Variants in PCDHGB3 observed in about 807,000 individuals in gnomAD.
PCDHGB3 encodes protocadherin gamma subfamily B, 3.
Under a neutral mutation model 59.2 loss-of-function variants are expected in PCDHGB3, and 40 were observed. The ratio of observed to expected loss-of-function variants is 0.68; its 90% CI spans 0.52 to 0.88. The LOEUF (loss-of-function observed/expected upper bound fraction) is 0.88, where lower values mean the gene tolerates loss of function less well. PCDHGB3 is among the 40% of genes least tolerant of loss of function. The pLI is 0.00. For missense variants in PCDHGB3, 1,309 were observed against 1,187.9 expected (o/e 1.10, Z -1.50); for synonymous variants, 581 against 503.6 (o/e 1.15, Z -2.06).
intron 1 of PCDHGB3, chr5:141,409,017 G>T (rs745981387): frequency 3.1e-6 from 5 of 1,613,840 alleles, no homozygotes; most frequent in Non-Finnish European, 4.2e-6. Flanking sequence ...CAGGATGAGG[G>T]GGTCAATGCT....
chr5:141,477,898 AG>A lies in PCDHGB3; in HGVS notation c.2416-16907del. The stretch of plus-strand genomic sequence containing the variant: ...CTGGCCACCTAGTGTCACGGGTGGT[AG>A]GCTGGGACGCGGATGCAGGGCACAA... On this transcript the variant is annotated intron_variant, in intron 1 of 3. Coordinates refer to ENST00000576222, the MANE Select transcript of PCDHGB3 (RefSeq NM_018924.5). The surrounding 1 kb of genome is among the most constrained non-coding windows in gnomAD (Gnocchi z 4.9). The A allele has an allele frequency of 6.2e-7, 1 of 1,614,158 alleles. No individual in the cohort carries two copies. Among genetic ancestry groups the A allele is most frequent in the Non-Finnish European group, 8.5e-7 (1 of 1,180,036 alleles).
At chr5:141,443,321 A>AC (rs1175439570) in intron 1 of PCDHGB3, among the ~76,000 whole-genome samples, 1 of 151,616 alleles carries the variant, frequency 6.6e-6, no homozygotes, top group African/African-American at 2.4e-5. Flanking sequence ...TCTCTACAAA[A>AC]AAAAAAAACA....
At chr5:141,379,674 AC>A (rs1181796015) in intron 1 of PCDHGB3, 1 of 152,100 alleles carries the variant, frequency 6.6e-6, no homozygotes, top group Non-Finnish European at 1.5e-5. Flanking sequence ...AAAGTCATTC[AC>A]TCATGTGGAC....
At chr5:141,478,295 T>C (rs1210224121) in intron 1 of PCDHGB3, 5 of 1,614,004 alleles carry the variant, frequency 3.1e-6, no homozygotes, top group African/African-American at 2.7e-5. Flanking sequence ...TAGAGACCTA[T>C]ACCGAGCCCC....
intron 1 of PCDHGB3, chr5:141,420,154 T>C (rs2096470856): frequency 2.5e-6 from 4 of 1,613,948 alleles, no homozygotes; most frequent in Non-Finnish European, 2.5e-6. Flanking sequence ...ATCCAGAATT[T>C]AATTTTTTCA....
intron 1 of PCDHGB3, chr5:141,416,818 C>T (rs766541497): frequency 9.9e-5 from 15 of 151,960 alleles, no homozygotes; most frequent in Admixed American, 2.6e-4. Flanking sequence ...AAAAGCATTC[C>T]GAAGTTTCTC....
chr5:141,458,513 GT>G (rs537551567), intron 1 of PCDHGB3, among the ~76,000 whole-genome samples: 34 of 146,056 alleles, frequency 2.3e-4, no homozygotes, highest in South Asian at 6.5e-4. Flanking sequence ...TTGACACTTT[GT>G]TTTTTTTTTT....
chr5:141,374,484 TAAAGG>T, intron 1 of PCDHGB3: 1 of 1,611,588 alleles, frequency 6.2e-7, no homozygotes, highest in Non-Finnish European at 8.5e-7. Flanking sequence ...CCCCGATTCT[TAAAGG>T]AAGAATTGGA....
intron 1 of PCDHGB3, chr5:141,383,307 A>G (rs1207101754): frequency 3.1e-6 from 5 of 1,613,874 alleles, no homozygotes; most frequent in Non-Finnish European, 4.2e-6. Flanking sequence ...TCTTGACGGA[A>G]GAAATAAATG....
At chr5:141,418,185 T>C in intron 1 of PCDHGB3, 1 of 1,614,058 alleles carries the variant, frequency 6.2e-7, no homozygotes, top group Non-Finnish European at 8.5e-7. Flanking sequence ...TTGGAAGCTG[T>C]GGTGGAAAAT....
At chr5:141,399,298 A>T (rs1451298331) in intron 1 of PCDHGB3, 1 of 1,613,850 alleles carries the variant, frequency 6.2e-7, no homozygotes, top group Non-Finnish European at 8.5e-7. Flanking sequence ...TTTTAAGATT[A>T]TCTCTTCATC....
At position 141,505,417 on chromosome 5, in the gene PCDHGB3, C is replaced by T; in HGVS notation, c.2499C>T (p.Gly833=). The change falls in exon 3 of 4, where the codon GGC becomes GGT. Residue 833 remains glycine, a synonymous_variant. Coordinates refer to ENST00000576222, the MANE Select transcript of PCDHGB3 (RefSeq NM_018924.5). ...TSGSQNGDDT[G]TWPNNQFDTE... is the part of the protein sequence containing the mutation. ...GCTCCCAAAATGGCGATGACACCGG[C>T]ACCTGGCCCAACAACCAGTTTGACA... 1 of 1,614,212 alleles carries T rather than the reference C, an allele frequency of 6.2e-7. No individual in the cohort carries two copies. Among genetic ancestry groups the T allele is most frequent in the Non-Finnish European group, 8.5e-7 (1 of 1,180,024 alleles).
In PCDHGB3 at chr5:141,392,739, A is replaced by G. The variant is rs1024855569; in HGVS notation, c.2415+19930A>G. On this transcript the variant is annotated intron_variant, in intron 1 of 3. Transcript: ENST00000576222. ...GTTTCCGGAGGATTGTCATCTCCAT[A>G]GCTGCGGCAAGAAACTAAATAAGAC... The G allele has an allele frequency of 2.1e-5, 30 of 1,432,662 alleles. No individual in the cohort carries two copies. The African/African-American group carries it at 4.2e-4, about 20-fold the overall frequency. 88.7% of individuals were successfully genotyped at this position (1,432,662 alleles called of 1,614,324 possible).
chr5:141,451,813 G>A (rs921877961), intron 1 of PCDHGB3, among the ~76,000 whole-genome samples: 13 of 150,788 alleles, frequency 8.6e-5, no homozygotes, highest in East Asian at 2.0e-4. Context: ...CCCAGGAGGC[G>A]GAGGTTACAG....
At chr5:141,402,872 T>C in intron 1 of PCDHGB3, 1 of 1,455,372 alleles carries the variant, frequency 6.9e-7, no homozygotes, top group Non-Finnish European at 9.1e-7. Flanking sequence ...AAGATCACCA[T>C]ACTTTGCAGG....
At chr5:141,393,754 T>G in intron 1 of PCDHGB3, 1 of 1,613,892 alleles carries the variant, frequency 6.2e-7, no homozygotes, top group Non-Finnish European at 8.5e-7. Flanking sequence ...GAATGTTCAT[T>G]TTATGAAATG....
intron 1 of PCDHGB3, among the ~76,000 whole-genome samples, chr5:141,460,888 C>T (rs530320189): frequency 1.3e-5 from 2 of 149,792 alleles, no homozygotes; most frequent in East Asian, 2.0e-4. Context: ...CATGCCTTTT[C>T]GTGGCTGAGT....
intron 1 of PCDHGB3, chr5:141,433,165 C>T: frequency 2.5e-6 from 4 of 1,613,470 alleles, no homozygotes; most frequent in Non-Finnish European, 2.5e-6. Context: ...TTTCTAAAGA[C>T]AGTCATGGGT....
chr5:141,486,828 G>A lies in PCDHGB3; in HGVS notation c.2416-7979G>A, dbSNP rs140257646. 77 of 1,614,218 alleles carry A rather than the reference G, an allele frequency of 4.8e-5. 1 individual carries two copies. In the East Asian group the frequency reaches 1.2e-3, roughly 26 times the overall value. On this transcript the variant is annotated intron_variant, in intron 1 of 3. Transcript: ENST00000576222. This position sits in a 1 kb window ranked among gnomAD's most constrained non-coding sequence, Gnocchi z 5.0. ...CCCCTTAGCAGCACTGTAACAGTTCGTCTATTTGTGCTGGACCTCAATGAC... is the reference window on the plus strand; with the variant it reads ...CCCCTTAGCAGCACTGTAACAGTTCATCTATTTGTGCTGGACCTCAATGAC...
Sources: gnomAD v4.1 joint callset for allele counts (sites outside exome capture counted in the v4.1 genomes callset) on GRCh38, gnomAD v4.1.1 for gene constraint, Gnocchi (gnomAD v3.1) non-coding constraint, MANE v1.5 for transcripts, NCBI Gene and HGNC (gene_info 2026-07-23, HGNC 2026-07-21) for gene names.